CASP8: variants seen among roughly 807,000 people sequenced by gnomAD.
The protein encoded by CASP8 is caspase-8.
Under a neutral mutation model 46.3 loss-of-function variants are expected in CASP8, and 24 were observed. That is an observed-to-expected ratio of 0.52 (90% CI 0.38 to 0.73). The LOEUF is 0.73. Ranked by LOEUF, CASP8 falls within the 30% of genes least tolerant of loss-of-function variation. CASP8 has a pLI of 0.00. For missense variants in CASP8, 460 were observed against 559.0 expected (o/e 0.82, Z 1.79); for synonymous variants, 188 against 200.4 (o/e 0.94, Z 0.52).
At chr2:201,263,511 T>G (rs558639996) in intron 1 of CASP8, among the ~76,000 whole-genome samples, 1 of 152,364 alleles carries the variant, frequency 6.6e-6, no homozygotes, top group East Asian at 1.9e-4. Context: ...ATAAAATATT[T>G]GGTAGGAAAG....
intron 7 of CASP8, among the ~76,000 whole-genome samples, chr2:201,283,307 G>A (rs1383047930): frequency 3.7e-5 from 3 of 81,438 alleles, no homozygotes; most frequent in Non-Finnish European, 5.6e-5. Context: ...GCGACTGGCC[G>A]GGCAGAGGGG....
In CASP8 at chr2:201,266,717, C is replaced by T. The variant is rs1360908905; in HGVS notation, c.231C>T (p.Thr77=). ...TTAATAGACTGGATTTGCTGATTAC[C>T]TACCTAAACACTAGAAAGGAGGAGA... is the stretch of plus-strand genomic sequence containing the variant. ...FRINRLDLLI[T]YLNTRKEEME... is the part of the protein sequence containing the mutation. Residue 77 remains threonine, a synonymous_variant, in exon 2 of 9, where the codon ACC becomes ACT. Transcript: ENST00000673742. The surrounding 1 kb of genome is among the most constrained non-coding windows in gnomAD (Gnocchi z 5.7). 1.2e-6 allele frequency: 2 copies of T among 1,614,010 alleles called. No individual in the cohort carries two copies. The highest frequency in any genetic ancestry group is 4.5e-5 in the East Asian group (2 of 44,888).
intron 7 of CASP8, 131 bp downstream of exon 7, chr2:201,277,099 G>A (rs1010412560): frequency 1.4e-6 from 1 of 704,484 alleles, no homozygotes. Context: ...ATATTTCCCT[G>A]TGGAGGTAAA....
upstream of CASP8, chr2:201,258,089 G>T (rs1030513419): frequency 9.0e-5 from 80 of 887,914 alleles, no homozygotes; most frequent in Middle Eastern, 1.0e-3. Context: ...TCCTTCTGTG[G>T]TGAAGTTTTC....
At chr2:201,249,186 C>A (rs1946664361) in intron 2 of CASP8, among the ~76,000 whole-genome samples, 1 of 152,162 alleles carries the variant, frequency 6.6e-6, no homozygotes, top group Admixed American at 6.5e-5. Flanking sequence ...AGCCACCACG[C>A]CCTGGTCAAT....
upstream of CASP8, among the ~76,000 whole-genome samples, chr2:201,260,249 T>A (rs753791813): frequency 2.0e-5 from 3 of 152,144 alleles, no homozygotes; most frequent in Non-Finnish European, 2.9e-5. Context: ...AAAGTGTTCT[T>A]AGTTACAATC....
intron 2 of CASP8, among the ~76,000 whole-genome samples, chr2:201,269,231 G>A (rs1018749541): frequency 2.0e-5 from 3 of 152,014 alleles, no homozygotes; most frequent in African/African-American, 4.8e-5. Context: ...GAGCCACTGC[G>A]CCTGGCCAGC....
At chr2:201,254,531 GGC>G (rs1946931000) in intron 2 of CASP8, among the ~76,000 whole-genome samples, 1 of 152,160 alleles carries the variant, frequency 6.6e-6, no homozygotes, top group Admixed American at 6.6e-5. Context: ...ACACCATCCT[GGC>G]CCATGGGTTA....
chr2:201,249,768 A>G lies in CASP8; in HGVS notation c.-27+15656A>G, dbSNP rs138054401. On this transcript the variant is annotated intron_variant, in intron 2 of 6. Coordinates refer to the CASP8 transcript ENST00000264274. ...AGAGCAGAAAGTAGAGAGTTCCCAT[A>G]TACCCTCTGCCTCCTACACTTCTCC... is the stretch of plus-strand genomic sequence containing the variant. Among the ~76,000 whole-genome samples, 5 of 152,260 alleles carry G rather than the reference A, an allele frequency of 3.3e-5. No individual in the cohort carries two copies. In the South Asian group the frequency reaches 6.2e-4, roughly 19 times the overall value.
At chr2:201,244,482 C>A (rs1946426751) in intron 2 of CASP8, among the ~76,000 whole-genome samples, 2 of 152,098 alleles carry the variant, frequency 1.3e-5, no homozygotes, top group Non-Finnish European at 2.9e-5. Context: ...TTTCCCCAAC[C>A]ACTGTGACAT....
At chr2:201,253,871 C>T (rs539614704) in intron 2 of CASP8, among the ~76,000 whole-genome samples, 3 of 152,094 alleles carry the variant, frequency 2.0e-5, no homozygotes, top group East Asian at 1.9e-4. Flanking sequence ...CACCTAAGGT[C>T]GGGAGTTCGA....
intron 6 of CASP8, 60 bp downstream of exon 6, chr2:201,275,013 TAGC>T: frequency 4.7e-6 from 6 of 1,275,978 alleles, no homozygotes; most frequent in South Asian, 1.3e-5. Flanking sequence ...TTTAATTTGT[TAGC>T]TTTTTTTTTT....
intron 2 of CASP8, among the ~76,000 whole-genome samples, chr2:201,234,422 C>T (rs1247774942): frequency 6.6e-6 from 1 of 152,098 alleles, no homozygotes; most frequent in East Asian, 1.9e-4. Flanking sequence ...CACTAAATGA[C>T]AATGGCTCAC....
chr2:201,283,262 C>CG (rs1300305824), intron 7 of CASP8, among the ~76,000 whole-genome samples: 1 of 90,368 alleles, frequency 1.1e-5, no homozygotes, highest in East Asian at 3.4e-4. Context: ...GCTGGCCGGG[C>CG]GGGGGGTTGA....
chr2:201,262,362 A>G (rs1484529454), intron 1 of CASP8: 2 of 151,648 alleles, frequency 1.3e-5, no homozygotes, highest in African/African-American at 2.4e-5. Context: ...TCATTTATTT[A>G]TATGATTATT....
At chr2:201,245,415 A>G (rs1423616726) in intron 2 of CASP8, among the ~76,000 whole-genome samples, 1 of 151,764 alleles carries the variant, frequency 6.6e-6, no homozygotes, top group African/African-American at 2.4e-5. Context: ...TAATTTTTGT[A>G]TTTTTAGTAC....
At chr2:201,273,027 T>C in intron 5 of CASP8, 85 bp downstream of exon 5, 1 of 1,129,818 alleles carries the variant, frequency 8.9e-7, no homozygotes, top group Admixed American at 1.7e-5. Context: ...TTCTACCACA[T>C]GCACATCTTA....
rs752264750 is a variant in CASP8 at position 201,272,872 on chromosome 2, G to GT, written c.551-23dup. On this transcript the variant is annotated intron_variant, in intron 4 of 8. Transcript: ENST00000673742. This position sits in a 1 kb window ranked among gnomAD's most constrained non-coding sequence, Gnocchi z 4.4. ...TCACAGTTGTTTCTAATCAAATATT[G>GT]TTTGGGGTTTCCCCTTTTAATTCAG... 1.2e-6 allele frequency: 2 copies of GT among 1,614,038 alleles called. No individual in the cohort carries two copies. The highest frequency in any genetic ancestry group is 1.7e-6 in the Non-Finnish European group (2 of 1,179,914).
At chr2:201,282,752 C>T (rs1949175270) in intron 7 of CASP8, among the ~76,000 whole-genome samples, 1 of 84,838 alleles carries the variant, frequency 1.2e-5, no homozygotes, top group Admixed American at 9.5e-5. Flanking sequence ...GTCCTCACTT[C>T]CCAGTAGGGG....
Sources: allele counts gnomAD v4.1 joint callset (sites outside exome capture counted in the v4.1 genomes callset), GRCh38; gene constraint gnomAD v4.1.1; non-coding constraint Gnocchi (gnomAD v3.1); transcripts MANE v1.5; gene names NCBI Gene and HGNC (gene_info 2026-07-23, HGNC 2026-07-21).